Variants in NEMP2 observed in about 807,000 individuals in gnomAD.
NEMP2 encodes the protein UPF0571 transmembrane protein.
NEMP2 carries 53 observed loss-of-function variants against 54.2 expected under a neutral mutation model. The observed-to-expected ratio is 0.98, with a 90% CI of 0.78 to 1.23. The LOEUF (loss-of-function observed/expected upper bound fraction) is 1.23. Ranked by LOEUF, NEMP2 falls within the 50% of genes most tolerant of loss-of-function variation. The pLI is 0.00. For missense variants in NEMP2, 455 were observed against 511.3 expected, an observed-to-expected ratio of 0.89 and a Z score of 1.06; for synonymous variants, 197 against 190.3, an observed-to-expected ratio of 1.04 and a Z score of -0.29.
At chr2:190,607,839 T>C in the NEMP2 span, 1 of 152,318 alleles carries the variant, frequency 6.6e-6, no homozygotes, top group South Asian at 2.1e-4. This position sits in a 1 kb window ranked among gnomAD's most constrained non-coding sequence, Gnocchi z 5.2. Context: ...ATGCTTCTGA[T>C]AGCATAACCC....
Position 190,509,064 on chromosome 2 carries a change from CT to C in NEMP2, c.*124del. 7.1e-7 allele frequency: 1 copy of C among 1,408,364 alleles called. No homozygotes were observed. The highest frequency in any genetic ancestry group is 9.4e-7 in the Non-Finnish European group (1 of 1,062,848). 87.2% of individuals were successfully genotyped at this position (1,408,364 alleles called of 1,614,324 possible). A position where few individuals can be genotyped will look rare whatever the true frequency, so the allele number is the denominator to read the frequency against. On this transcript the variant is annotated 3_prime_UTR_variant, in exon 9 of 9. Transcript: ENST00000409150. This position sits in a 1 kb window ranked among gnomAD's most constrained non-coding sequence, Gnocchi z 6.1. ...GGGTTGGTTTCCCTTTCCAGACTGACTTGTTTTTCTCCACAGCAAATGTTTT... is the reference window on the plus strand; with the variant it reads ...GGGTTGGTTTCCCTTTCCAGACTGACTGTTTTTCTCCACAGCAAATGTTTT...
At chr2:190,495,910 C>T in the NEMP2 span, among the ~76,000 whole-genome samples, 1 of 152,138 alleles carries the variant, frequency 6.6e-6, no homozygotes, top group East Asian at 1.9e-4. The surrounding 1 kb of genome is among the most constrained non-coding windows in gnomAD (Gnocchi z 4.7). Flanking sequence ...ATCAGAAAAA[C>T]CCTTCTAGAC....
the NEMP2 span, among the ~76,000 whole-genome samples, chr2:190,490,334 C>A: frequency 1.5e-3 from 232 of 151,588 alleles, 1 homozygote; most frequent in Middle Eastern, 6.8e-3. The surrounding 1 kb of genome is among the most constrained non-coding windows in gnomAD (Gnocchi z 4.5). Context: ...GAGGCCGAGG[C>A]GGGTGGATCA....
the NEMP2 span, among the ~76,000 whole-genome samples, chr2:190,497,018 C>T: frequency 0.71 from 107,436 of 152,026 alleles, 39,176 homozygotes; most frequent in Admixed American, 0.79. This position sits in a 1 kb window ranked among gnomAD's most constrained non-coding sequence, Gnocchi z 5.2. Context: ...AGAGAACTTA[C>T]GTAACCAAAT....
chr2:190,646,220 A>C, the NEMP2 span, among the ~76,000 whole-genome samples: 1 of 152,224 alleles, frequency 6.6e-6, no homozygotes, highest in Admixed American at 6.5e-5. Context: ...AAAGCCTTGA[A>C]ACTGTTTGAT....
At chr2:190,541,666 T>C in the NEMP2 span, among the ~76,000 whole-genome samples, 1 of 152,212 alleles carries the variant, frequency 6.6e-6, no homozygotes, top group Non-Finnish European at 1.5e-5. This position sits in a 1 kb window ranked among gnomAD's most constrained non-coding sequence, Gnocchi z 5.2. Flanking sequence ...GCCCACATAC[T>C]TAATTTTACC....
At chr2:190,447,856 T>A in the NEMP2 span, among the ~76,000 whole-genome samples, 3 of 152,222 alleles carry the variant, frequency 2.0e-5, no homozygotes, top group African/African-American at 7.2e-5. The surrounding 1 kb of genome is among the most constrained non-coding windows in gnomAD (Gnocchi z 4.5). Context: ...TATCATCCCT[T>A]GAAAAGAACA....
In NEMP2 at chr2:190,514,662, A is replaced by G; in HGVS notation, c.744T>C (p.Val248=). The G allele has an allele frequency of 6.4e-7, 1 of 1,551,718 alleles. No homozygotes were observed. The change falls in exon 7 of 9, where the codon GTT becomes GTC. Residue 248 remains valine, a synonymous_variant. Coordinates refer to ENST00000409150, the MANE Select transcript of NEMP2 (RefSeq NM_001142645.2). This position sits in a 1 kb window ranked among gnomAD's most constrained non-coding sequence, Gnocchi z 5.7. ...AACAAACAACAAAGCTGAAAAATCCAACTATCAAGACATAGCCTGGAAAAG... is the reference window on the plus strand; with the variant it reads ...AACAAACAACAAAGCTGAAAAATCCGACTATCAAGACATAGCCTGGAAAAG... ...RIYVLGYVLI[V]GFFSFVVCYK...
At chr2:190,550,301 C>T in the NEMP2 span, among the ~76,000 whole-genome samples, 1 of 152,166 alleles carries the variant, frequency 6.6e-6, no homozygotes, top group Non-Finnish European at 1.5e-5. This position sits in a 1 kb window ranked among gnomAD's most constrained non-coding sequence, Gnocchi z 4.7. Flanking sequence ...GTGGCTCCTT[C>T]TTACTATGTC....
the NEMP2 span, among the ~76,000 whole-genome samples, chr2:190,561,800 T>G: frequency 1.3e-5 from 2 of 152,184 alleles, no homozygotes; most frequent in Admixed American, 1.3e-4. This position sits in a 1 kb window ranked among gnomAD's most constrained non-coding sequence, Gnocchi z 5.4. Context: ...GCAATTAATG[T>G]CACAGTTATT....
At chr2:190,632,077 AAAAG>A in the NEMP2 span, among the ~76,000 whole-genome samples, 1 of 152,166 alleles carries the variant, frequency 6.6e-6, no homozygotes, top group South Asian at 2.1e-4. The surrounding 1 kb of genome is among the most constrained non-coding windows in gnomAD (Gnocchi z 4.8). Context: ...AAAAGAAAAG[AAAAG>A]AAAAGAAAAA....
the NEMP2 span, among the ~76,000 whole-genome samples, chr2:190,483,835 CAAAAA>C: frequency 1.2e-5 from 1 of 86,680 alleles, no homozygotes; most frequent in African/African-American, 4.2e-5. Flanking sequence ...AACTCATTTT[CAAAAA>C]AAAAAAAAAA....
At chr2:190,561,304 A>G in the NEMP2 span, among the ~76,000 whole-genome samples, 2 of 152,346 alleles carry the variant, frequency 1.3e-5, no homozygotes, top group East Asian at 3.9e-4. The surrounding 1 kb of genome is among the most constrained non-coding windows in gnomAD (Gnocchi z 5.4). Context: ...ACACCTGGGG[A>G]CAATGTGTAG....
rs960941928 is a variant in NEMP2 at position 190,509,462 on chromosome 2, G to A, written c.1131-150C>T. On this transcript the variant is annotated intron_variant, in intron 8 of 8. Transcript: ENST00000409150. The surrounding 1 kb of genome is among the most constrained non-coding windows in gnomAD (Gnocchi z 6.1). ...ATTTACACAGTGGGTGTAAAAATGGGAATGGCTTATGTGATCCCTCTAAAA... is the reference window on the plus strand; with the variant it reads ...ATTTACACAGTGGGTGTAAAAATGGAAATGGCTTATGTGATCCCTCTAAAA... The A allele has an allele frequency of 2.3e-6, 2 of 852,048 alleles. No homozygotes were observed. The highest frequency in any genetic ancestry group is 1.7e-5 in the African/African-American group (1 of 58,382). The allele number at this position is 852,048 out of a possible 1,614,324, so 52.8% of individuals were successfully genotyped here.
At chr2:190,502,092 A>T (rs1391698844), downstream of NEMP2, 1 of 152,624 alleles carries the variant, frequency 6.6e-6, no homozygotes, top group Non-Finnish European at 1.5e-5. The surrounding 1 kb of genome is among the most constrained non-coding windows in gnomAD (Gnocchi z 4.4). Context: ...TTCTTAAATG[A>T]TAAAGATGTG....
the NEMP2 span, among the ~76,000 whole-genome samples, chr2:190,572,846 T>TC: frequency 3.7e-5 from 4 of 108,364 alleles, no homozygotes; most frequent in African/African-American, 1.1e-4. Context: ...TATATATATA[T>TC]ATATATATAT....
the NEMP2 span, chr2:190,553,571 G>C: frequency 6.6e-6 from 1 of 152,248 alleles, no homozygotes; most frequent in African/African-American, 2.4e-5. Context: ...AAATCCTCTG[G>C]TTTGCTTTTT....
At chr2:190,544,418 C>G in the NEMP2 span, among the ~76,000 whole-genome samples, 1 of 151,926 alleles carries the variant, frequency 6.6e-6, no homozygotes, top group Non-Finnish European at 1.5e-5. Context: ...ATTGCTAAAG[C>G]TCTTGGTAAA....
At chr2:190,484,411 A>G in the NEMP2 span, among the ~76,000 whole-genome samples, 1 of 152,238 alleles carries the variant, frequency 6.6e-6, no homozygotes, top group Admixed American at 6.5e-5. Context: ...AAGAAAGTAG[A>G]AGCATTTTCT....
Sources: gnomAD v4.1 joint callset for allele counts (sites outside exome capture counted in the v4.1 genomes callset) on GRCh38, gnomAD v4.1.1 for gene constraint, Gnocchi (gnomAD v3.1) non-coding constraint, MANE v1.5 for transcripts, NCBI Gene and HGNC (gene_info 2026-07-23, HGNC 2026-07-21) for gene names.